KMT2D: variants seen among roughly 807,000 people sequenced by gnomAD.
KMT2D encodes histone-lysine N-methyltransferase 2D.
In KMT2D, 55 loss-of-function variants were observed where a neutral mutation model predicts 512.7. That is an observed-to-expected ratio of 0.11 (90% confidence interval 0.09 to 0.13). The LOEUF is 0.13. Among genes scored for constraint, KMT2D ranks in the 10% least tolerant of loss-of-function variants. The pLI is 1.00. For missense variants in KMT2D, 6,061 were observed against 7,127.9 expected, an observed-to-expected ratio of 0.85 and a Z score of 5.39; for synonymous variants, 2,995 against 2,904.0, an observed-to-expected ratio of 1.03 and a Z score of -1.01.
Position 49,030,268 on chromosome 12 carries a change from C to A in KMT2D, c.13999+12G>T. ...CAAACTCCACCAGGGGTGGCATCTG[C>A]TCTTGACTTACCCCTCAGTGCCCTT... On this transcript the variant is annotated intron_variant, in intron 43 of 54. Coordinates refer to ENST00000301067, the MANE Select transcript of KMT2D (RefSeq NM_003482.4). The A allele has an allele frequency of 6.3e-7, 1 of 1,593,114 alleles. No individual in the cohort carries two copies. The highest frequency in any genetic ancestry group is 1.7e-5 in the Admixed American group (1 of 57,292).
intron 51 of KMT2D, among the ~76,000 whole-genome samples, chr12:49,023,847 A>C (rs1942441521): frequency 1.3e-5 from 2 of 152,226 alleles, no homozygotes; most frequent in Non-Finnish European, 2.9e-5. Flanking sequence ...GGAGCCACCA[A>C]AGACCTTCGA....
Position 49,020,637 on chromosome 12 carries a change from A to C in KMT2D, c.*1143T>G, listed in dbSNP as rs1942276276. The C allele has an allele frequency of 1.1e-5, 1 of 92,884 alleles. No homozygotes were observed. The highest frequency in any genetic ancestry group is 3.9e-4 in the South Asian group (1 of 2,536). 5.8% of individuals were successfully genotyped at this position (92,884 alleles called of 1,614,324 possible). On this transcript the variant is annotated 3_prime_UTR_variant, in exon 55 of 55. Transcript: ENST00000301067. Reference sequence around the variant, plus strand: ...CCCCACATCACCACCCCTTCCCACCAGACCAGCAGCAGTTTGGTGACTGAG... The same window carrying C: ...CCCCACATCACCACCCCTTCCCACCCGACCAGCAGCAGTTTGGTGACTGAG...
Position 49,021,450 on chromosome 12 carries a change from T to C in KMT2D, c.*330A>G, listed in dbSNP as rs528582552. The C allele has an allele frequency of 1.6e-5, 6 of 371,498 alleles. No homozygotes were observed. The highest frequency in any genetic ancestry group is 3.0e-5 in the Non-Finnish European group (6 of 203,164). 23.0% of individuals were successfully genotyped at this position (371,498 alleles called of 1,614,324 possible). A position where few individuals can be genotyped will look rare whatever the true frequency, so the allele number is the denominator to read the frequency against. On this transcript the variant is annotated 3_prime_UTR_variant, in exon 55 of 55. Coordinates refer to ENST00000301067, the MANE Select transcript of KMT2D (RefSeq NM_003482.4). ...GGCCACACATCCTCTTCCCCCACCC[T>C]GCTGCCTCCCAGATGCTTCTGGGTA...
intron 19 of KMT2D, 60 bp from the exon 20 acceptor site, chr12:49,045,025 C>T (rs1943720986): frequency 6.0e-6 from 9 of 1,488,724 alleles, no homozygotes; most frequent in Non-Finnish European, 8.4e-6. Flanking sequence ...ACCAGAACTG[C>T]AAGTTTCAAC....
Position 49,033,621 on chromosome 12 carries a change from G to A in KMT2D, c.11084C>T (p.Pro3695Leu). ...GTTGCCAGGGAAGAAGCCCCCTGAAGGGCCAGCCAGGGATCCAGCCCCACC... is the reference window on the plus strand; with the variant it reads ...GTTGCCAGGGAAGAAGCCCCCTGAAAGGCCAGCCAGGGATCCAGCCCCACC... Reference protein sequence around the residue: ...HSGGAGSLAGPSGGFFPGNLA... With the variant: ...HSGGAGSLAGLSGGFFPGNLA... Residue 3695 changes from proline (P) to leucine (L), a missense_variant, in exon 40 of 55, where the codon CCT becomes CTT. By Grantham distance (98) the Pro-to-Leu change is moderately conservative. Coordinates refer to ENST00000301067, the MANE Select transcript of KMT2D (RefSeq NM_003482.4). 6.2e-7 allele frequency: 1 copy of A among 1,613,682 alleles called. No individual in the cohort carries two copies. Among genetic ancestry groups the A allele is most frequent in the South Asian group, 1.1e-5 (1 of 91,088 alleles).
At chr12:49,030,236 C>T (rs1942829126) in intron 43 of KMT2D, 44 bp downstream of exon 43, 1 of 1,538,456 alleles carries the variant, frequency 6.5e-7, no homozygotes, top group South Asian at 1.2e-5. Flanking sequence ...GTTTGGACTC[C>T]AGCTACCAAA....
In KMT2D at chr12:49,037,522, T is replaced by TTGC. The variant is rs768814728; in HGVS notation, c.9831_9833dup (p.Gln3282dup). The TTGC allele has an allele frequency of 1.1e-5, 17 of 1,555,714 alleles. No homozygotes were observed. In the Admixed American group the frequency reaches 2.1e-4, roughly 20 times the overall value. ...ACAGTAGGGAATGCTGCTGCTGCTG[T>TTGC]TGCTGCTGCTGCTGGGCAGGCTGCA... On this transcript the variant is annotated inframe_insertion, in exon 35 of 55. Coordinates refer to ENST00000301067, the MANE Select transcript of KMT2D (RefSeq NM_003482.4).
chr12:49,044,759 G>A lies in KMT2D; in HGVS notation c.4948C>T (p.Leu1650=), dbSNP rs1943706224. 1 of 1,613,732 alleles carries A rather than the reference G, an allele frequency of 6.2e-7. No homozygotes were observed. The highest frequency in any genetic ancestry group is 8.5e-7 in the Non-Finnish European group (1 of 1,179,704). ...CCAAGCTAACCTTCACCCTTGAGCA[G>A]CTCATCGGTGTCCAGGTCCCCATCC... ...KKDGDLDTDE[L]LKGEGGVEHM... Residue 1650 remains leucine (L), a synonymous_variant, in exon 20 of 55, where the codon CTG becomes TTG. Transcript: ENST00000301067. The surrounding 1 kb of genome is among the most constrained non-coding windows in gnomAD (Gnocchi z 6.4).
Position 49,037,828 on chromosome 12 carries a change from A to C in KMT2D, c.9528T>G (p.Ser3176Arg), listed in dbSNP as rs777831183. ...AGGAGGCCTTCTCAGCTGTGTGCCC[A>C]CTGCTAGAAAATGGCCCTGTGCCCA... ...TRMGTGPFSS[S>R]GHTAEKASFG... Residue 3176 changes from serine (S) to arginine (R), a missense_variant, in exon 35 of 55, where the codon AGT becomes AGG. Coordinates refer to ENST00000301067, the MANE Select transcript of KMT2D (RefSeq NM_003482.4). 1 of 1,597,154 alleles carries C rather than the reference A, an allele frequency of 6.3e-7. No individual in the cohort carries two copies. The highest frequency in any genetic ancestry group is 8.5e-7 in the Non-Finnish European group (1 of 1,171,686).
intron 35 of KMT2D, 136 bp downstream of exon 35, chr12:49,036,989 A>T: frequency 9.0e-7 from 1 of 1,105,506 alleles, no homozygotes; most frequent in Non-Finnish European, 1.2e-6. Context: ...TGCCTCTACC[A>T]CTAGTATGAT....
At chr12:49,050,865 A>C (rs1461083952) in intron 11 of KMT2D, 21 bp downstream of exon 11, 1 of 1,547,908 alleles carries the variant, frequency 6.5e-7, no homozygotes, top group East Asian at 2.3e-5. Flanking sequence ...CCAGAATAAC[A>C]GAGTACTAAC....
intron 35 of KMT2D, 121 bp downstream of exon 35, chr12:49,037,004 A>G: frequency 7.6e-7 from 1 of 1,317,990 alleles, no homozygotes; most frequent in Non-Finnish European, 1.0e-6. Context: ...TATGATATTT[A>G]GCCAAAGTTC....
In KMT2D at chr12:49,040,927, G is replaced by A. The variant is rs2120537864; in HGVS notation, c.6843C>T (p.Ser2281=). ...PLLSPPPFGE[S]RKALEVKKEE... is the part of the protein sequence containing the mutation. ...CCTTCTTCACCTCTAGGGCCTTCCGGGACTCCCCAAAAGGTGGGGGCGAGA... is the reference window on the plus strand; with the variant it reads ...CCTTCTTCACCTCTAGGGCCTTCCGAGACTCCCCAAAAGGTGGGGGCGAGA... The change falls in exon 32 of 55, where the codon TCC becomes TCT. Residue 2281 remains serine (S), a synonymous_variant. Coordinates refer to ENST00000301067, the MANE Select transcript of KMT2D (RefSeq NM_003482.4). The A allele has an allele frequency of 6.2e-7, 1 of 1,613,722 alleles. No homozygotes were observed. The highest frequency in any genetic ancestry group is 8.5e-7 in the Non-Finnish European group (1 of 1,179,722).
In KMT2D at chr12:49,046,943, A is replaced by G. The variant is rs967485671; in HGVS notation, c.4237-153T>C. ...TCACTGCAACCTCTGCCTCTCAGGT[A>G]CAAGTGATTCTCTTGTCTCAGCCTC... On this transcript the variant is annotated intron_variant, in intron 15 of 54. Coordinates refer to ENST00000301067, the MANE Select transcript of KMT2D (RefSeq NM_003482.4). The surrounding 1 kb of genome is among the most constrained non-coding windows in gnomAD (Gnocchi z 4.2). Among the ~76,000 whole-genome samples, 2 of 151,770 alleles carry G rather than the reference A, an allele frequency of 1.3e-5. No homozygotes were observed. Among genetic ancestry groups the G allele is most frequent in the Non-Finnish European group, 2.9e-5 (2 of 67,928 alleles).
chr12:49,021,645 C>T lies in KMT2D; in HGVS notation c.*135G>A. 2 of 728,602 alleles carry T rather than the reference C, an allele frequency of 2.7e-6. No individual in the cohort carries two copies. Among genetic ancestry groups the T allele is most frequent in the South Asian group, 3.7e-5 (2 of 53,978 alleles). 45.1% of individuals were successfully genotyped at this position (728,602 alleles called of 1,614,324 possible). A position where few individuals can be genotyped will look rare whatever the true frequency, so the allele number is the denominator to read the frequency against. The stretch of plus-strand genomic sequence containing the variant: ...TAGGGCCCTCTGCCCCAGCCTCCTG[C>T]TCCAGGGGCTCCGGGTCAGCCGGCA... On this transcript the variant is annotated 3_prime_UTR_variant, in exon 55 of 55. Coordinates refer to ENST00000301067, the MANE Select transcript of KMT2D (RefSeq NM_003482.4).
At position 49,029,194 on chromosome 12, in the gene KMT2D, C is replaced by T. The variant is rs781183969; in HGVS notation, c.14118G>A (p.Val4706=). The T allele has an allele frequency of 1.9e-6, 3 of 1,613,956 alleles. No homozygotes were observed. The highest frequency in any genetic ancestry group is 1.7e-5 in the Admixed American group (1 of 60,026). Residue 4706 remains valine, a synonymous_variant, in exon 45 of 55, where the codon GTG becomes GTA. Coordinates refer to ENST00000301067, the MANE Select transcript of KMT2D (RefSeq NM_003482.4). The part of the protein sequence containing the change: ...DEDSDSPDSI[V]PASSPESILG... ...AGATGCTCTCAGGGGATGAAGCTGG[C>T]ACAATGCTGTCAGGAGAATCGCTAT...
intron 35 of KMT2D, among the ~76,000 whole-genome samples, chr12:49,036,662 G>C (rs1191291536): frequency 6.6e-6 from 1 of 151,806 alleles, no homozygotes; most frequent in Non-Finnish European, 1.5e-5. Context: ...CTCACACCCA[G>C]CTAATTTTTG....
At position 49,044,443 on chromosome 12, in the gene KMT2D, G is replaced by A. The variant is rs1303870465; in HGVS notation, c.5043C>T (p.Thr1681=). The A allele has an allele frequency of 9.3e-6, 15 of 1,613,560 alleles. No homozygotes were observed. The highest frequency in any genetic ancestry group is 3.3e-5 in the Admixed American group (2 of 59,992). The stretch of plus-strand genomic sequence containing the variant: ...TACGCTTGCGTTTTTTGCTTTCCTC[G>A]GTCTCCTCTTTGCCAGGCTCCACAT... ...SPDVEPGKEE[T]EESKKRKRKP... Residue 1681 remains threonine (T), a synonymous_variant, in exon 21 of 55, where the codon ACC becomes ACT. Coordinates refer to ENST00000301067, the MANE Select transcript of KMT2D (RefSeq NM_003482.4). This position sits in a 1 kb window ranked among gnomAD's most constrained non-coding sequence, Gnocchi z 6.4.
In KMT2D at chr12:49,052,951, C is replaced by T. The variant is rs779668384; in HGVS notation, c.1076G>A (p.Arg359His). The T allele has an allele frequency of 2.9e-5, 47 of 1,613,838 alleles. No individual in the cohort carries two copies. The highest frequency in any genetic ancestry group is 4.0e-5 in the Non-Finnish European group (47 of 1,179,860). Reference sequence around the variant, plus strand: ...CGGGGTATGCTGCTCAGCAACGGAGCGGATAGTCTGACCTCCCTGGGCTTT... The same window carrying T: ...CGGGGTATGCTGCTCAGCAACGGAGTGGATAGTCTGACCTCCCTGGGCTTT... ...CHKAQGGQTIRSVAEQHTPVC... is the reference protein window; with the variant it reads ...CHKAQGGQTIHSVAEQHTPVC... The change falls in exon 9 of 55, where the codon CGC becomes CAC. Residue 359 changes from arginine to histidine, a missense_variant. Physicochemically the swap from Arg to His is conservative, Grantham distance 29 (BLOSUM62 0). Coordinates refer to ENST00000301067, the MANE Select transcript of KMT2D (RefSeq NM_003482.4).
Sources: allele counts gnomAD v4.1 joint callset (sites outside exome capture counted in the v4.1 genomes callset), GRCh38; gene constraint gnomAD v4.1.1; non-coding constraint Gnocchi (gnomAD v3.1); transcripts MANE v1.5; gene names NCBI Gene and HGNC (gene_info 2026-07-23, HGNC 2026-07-21).